The following SLC2A13 variants were observed in gnomAD, a reference collection of about 807,000 sequenced individuals.
SLC2A13 encodes proton myo-inositol cotransporter.
SLC2A13 carries 32 observed loss-of-function variants against 64.4 expected under a neutral mutation model. The observed-to-expected ratio is 0.50, with a 90% CI of 0.37 to 0.67. The LOEUF (loss-of-function observed/expected upper bound fraction) is 0.67. Among genes scored for constraint, SLC2A13 ranks in the 30% least tolerant of loss-of-function variants. The pLI, the probability that SLC2A13 is intolerant of heterozygous loss-of-function variation, is 0.00. For synonymous variants in SLC2A13, 338 were observed against 327.1 expected, an observed-to-expected ratio of 1.03 and a Z score of -0.36; for missense variants, 743 against 829.2, an observed-to-expected ratio of 0.90 and a Z score of 1.28.
intron 3 of SLC2A13, among the ~76,000 whole-genome samples, chr12:40,007,029 C>T (rs769434757): frequency 2.6e-4 from 39 of 152,312 alleles, no homozygotes; most frequent in Non-Finnish European, 4.1e-4. Flanking sequence ...TGAGCCACAT[C>T]TTTTAATTAG....
At chr12:39,769,132 T>C (rs1390967950) in intron 7 of SLC2A13, among the ~76,000 whole-genome samples, 2 of 152,074 alleles carry the variant, frequency 1.3e-5, no homozygotes, top group African/African-American at 4.8e-5. Context: ...CTCAGTTGGT[T>C]CCCTAATGAT....
intron 4 of SLC2A13, among the ~76,000 whole-genome samples, chr12:39,901,009 G>C: frequency 6.6e-6 from 1 of 152,094 alleles, no homozygotes; most frequent in Non-Finnish European, 1.5e-5. Flanking sequence ...CAATGGAACT[G>C]AACAGAGCCC....
At chr12:39,867,656 A>G (rs1476538078) in intron 5 of SLC2A13, among the ~76,000 whole-genome samples, 1 of 152,202 alleles carries the variant, frequency 6.6e-6, no homozygotes, top group Non-Finnish European at 1.5e-5. Context: ...AATAGGTAAA[A>G]GTTAACTCTT....
intron 7 of SLC2A13, among the ~76,000 whole-genome samples, chr12:39,801,715 T>C (rs1941797918): frequency 6.6e-6 from 1 of 152,190 alleles, no homozygotes; most frequent in Non-Finnish European, 1.5e-5. Flanking sequence ...ATTTAAACTG[T>C]CTGGGATTCA....
At chr12:40,061,427 A>T (rs1046061487) in intron 1 of SLC2A13, among the ~76,000 whole-genome samples, 3 of 152,150 alleles carry the variant, frequency 2.0e-5, no homozygotes, top group African/African-American at 7.2e-5. Flanking sequence ...AATCCAGACA[A>T]CATAAACATT....
intron 1 of SLC2A13, among the ~76,000 whole-genome samples, chr12:40,058,407 T>C (rs915685951): frequency 6.6e-6 from 1 of 152,138 alleles, no homozygotes; most frequent in Non-Finnish European, 1.5e-5. Flanking sequence ...AAAAGTTTGT[T>C]ACAGAGCAAT....
intron 4 of SLC2A13, among the ~76,000 whole-genome samples, chr12:39,945,160 T>C (rs1946112989): frequency 6.6e-6 from 1 of 152,230 alleles, no homozygotes; most frequent in African/African-American, 2.4e-5. Context: ...CTGATAATTT[T>C]ATTTGAGGAG....
At chr12:40,019,181 G>T (rs7313209) in intron 3 of SLC2A13, among the ~76,000 whole-genome samples, 48,094 of 151,976 alleles carry the variant, frequency 0.32, 7,737 homozygotes, top group African/African-American at 0.35. Flanking sequence ...AGAGAAGAGA[G>T]ATTGGGAATA....
chr12:39,764,653 TA>T, intron 8 of SLC2A13, 41 bp from the exon 9 acceptor site: 1 of 1,582,466 alleles, frequency 6.3e-7, no homozygotes, highest in Non-Finnish European at 8.6e-7. Context: ...AAATAGCATG[TA>T]AGAAATTTGA....
intron 2 of SLC2A13, among the ~76,000 whole-genome samples, chr12:40,031,434 G>A (rs558924007): frequency 1.3e-5 from 2 of 152,262 alleles, no homozygotes; most frequent in Admixed American, 6.5e-5. Flanking sequence ...TATCAGCCAG[G>A]CTGGTCTCAA....
chr12:40,034,123 G>A (rs752307245), intron 2 of SLC2A13, among the ~76,000 whole-genome samples: 5 of 152,178 alleles, frequency 3.3e-5, no homozygotes, highest in African/African-American at 1.2e-4. Flanking sequence ...GTTAAGGGAA[G>A]TTTATTACAC....
rs1555144677 is a variant in SLC2A13 at position 39,972,022 on chromosome 12, T to TTATA, written c.926-20661_926-20658dup. 4.3e-4 allele frequency among the ~76,000 whole-genome samples: 40 copies of TTATA among 92,388 alleles called. 2 individuals are homozygous for TTATA. The East Asian group carries it at 6.0e-3, about 14-fold the overall frequency. 60.6% of individuals were successfully genotyped at this position (92,388 alleles called of 152,430 possible). ...AATATATATATATATATATTTTTTT[T>TTATA]TATATAAATATATATATAAATTATA... is the stretch of plus-strand genomic sequence containing the variant. On this transcript the variant is annotated intron_variant, in intron 3 of 9. Coordinates refer to ENST00000280871, the MANE Select transcript of SLC2A13 (RefSeq NM_052885.4).
intron 4 of SLC2A13, among the ~76,000 whole-genome samples, chr12:39,897,442 T>C (rs1044760327): frequency 1.4e-4 from 21 of 152,314 alleles, no homozygotes; most frequent in Admixed American, 1.0e-3. Flanking sequence ...TCCACTGCTA[T>C]AAGTAGGATG....
At chr12:40,059,716 G>C (rs1293315190) in intron 1 of SLC2A13, among the ~76,000 whole-genome samples, 1 of 152,110 alleles carries the variant, frequency 6.6e-6, no homozygotes, top group Non-Finnish European at 1.5e-5. Flanking sequence ...CATGATTGAA[G>C]CATAGATAAC....
chr12:40,080,447 G>C (rs1938351731), intron 1 of SLC2A13, among the ~76,000 whole-genome samples: 1 of 152,200 alleles, frequency 6.6e-6, no homozygotes, highest in Non-Finnish European at 1.5e-5. Context: ...CTGGAGTGCA[G>C]TGGTGCCATC....
chr12:39,948,007 T>TCCTCTTCTTTA (rs1246141000), intron 4 of SLC2A13, among the ~76,000 whole-genome samples: 5 of 152,134 alleles, frequency 3.3e-5, no homozygotes, highest in African/African-American at 7.2e-5. Flanking sequence ...CATCTATCAC[T>TCCTCTTCTTTA]CCTCTTCTTT....
chr12:39,975,590 A>G (rs1480345054), intron 3 of SLC2A13, among the ~76,000 whole-genome samples: 1 of 152,226 alleles, frequency 6.6e-6, no homozygotes, highest in Non-Finnish European at 1.5e-5. Flanking sequence ...CTTGGCAGAT[A>G]AAACAGTTTA....
chr12:39,895,923 T>C (rs1272956868), intron 4 of SLC2A13, among the ~76,000 whole-genome samples: 1 of 137,318 alleles, frequency 7.3e-6, no homozygotes, highest in Non-Finnish European at 1.6e-5. Flanking sequence ...TATGCATATA[T>C]GTGTATATGT....
rs1477633691 is a variant in SLC2A13 at position 39,834,803 on chromosome 12, C to A, written c.1320-4575G>T. Among the ~76,000 whole-genome samples, 5 of 151,986 alleles carry A rather than the reference C, an allele frequency of 3.3e-5. 1 individual carries two copies. The highest frequency in any genetic ancestry group is 1.2e-4 in the African/African-American group (5 of 41,410). On this transcript the variant is annotated intron_variant, in intron 6 of 9. Coordinates refer to ENST00000280871, the MANE Select transcript of SLC2A13 (RefSeq NM_052885.4). ...TTTCATCATATAGACTATTTTATGG[C>A]AAAATTCTTCCAAATATTACAAGAT...
Sources: allele counts gnomAD v4.1 joint callset (sites outside exome capture counted in the v4.1 genomes callset), GRCh38; gene constraint gnomAD v4.1.1; transcripts MANE v1.5; gene names NCBI Gene and HGNC (gene_info 2026-07-23, HGNC 2026-07-21).